Variants in EFCAB14 observed in about 807,000 individuals in gnomAD.
EFCAB14 encodes the protein EF-hand calcium binding domain 14, also known as EF-hand calcium-binding domain-containing protein 14.
In EFCAB14, 43 loss-of-function variants were observed where a neutral mutation model predicts 56.5. That is an observed-to-expected ratio of 0.76 (90% confidence interval 0.60 to 0.98). EFCAB14 has a LOEUF of 0.98. EFCAB14 is among the 50% of genes least tolerant of loss of function. The probability of loss-of-function intolerance (pLI) is 0.00; values close to 1 mark genes in which losing one functional copy is unlikely to be tolerated. For missense variants in EFCAB14, 538 were observed against 580.3 expected, an observed-to-expected ratio of 0.93 and a Z score of 0.75; for synonymous variants, 235 against 212.9, an observed-to-expected ratio of 1.10 and a Z score of -0.90.
chr1:46,693,373 C>T (rs1193972621), intron 4 of EFCAB14, among the ~76,000 whole-genome samples: 3 of 152,158 alleles, frequency 2.0e-5, no homozygotes, highest in Non-Finnish European at 4.4e-5. Flanking sequence ...CGAGATGACA[C>T]TAATAAAAAT....
intron 10 of EFCAB14, 155 bp downstream of exon 10, chr1:46,683,145 A>C: frequency 1.2e-6 from 1 of 810,298 alleles, no homozygotes; most frequent in Non-Finnish European, 1.9e-6. Context: ...TGGGATGGTT[A>C]TCAGGATTAT....
chr1:46,689,906 A>C (rs150366740), intron 5 of EFCAB14, among the ~76,000 whole-genome samples: 1 of 152,302 alleles, frequency 6.6e-6, no homozygotes, highest in African/African-American at 2.4e-5. Context: ...CCAAGATTAC[A>C]TTAGGGAACT....
At chr1:46,685,578 CT>C (rs1282011184) in intron 8 of EFCAB14, among the ~76,000 whole-genome samples, 6 of 152,188 alleles carry the variant, frequency 3.9e-5, no homozygotes, top group Admixed American at 6.5e-5. Flanking sequence ...GAAATTGTAT[CT>C]GGTTAGGATG....
Position 46,717,837 on chromosome 1 carries a change from T to C in EFCAB14, c.185+66A>G, listed in dbSNP as rs577553083. ...CTAAGGACTTCCTTTCTCCTTCCTG[T>C]CAATGTGGCCCCTTGGTAGTGCAAG... On this transcript the variant is annotated intron_variant, in intron 1 of 10. Coordinates refer to ENST00000371933, the MANE Select transcript of EFCAB14 (RefSeq NM_014774.3). 5.2e-6 allele frequency: 8 copies of C among 1,529,136 alleles called. No homozygotes were observed. The East Asian group carries it at 6.8e-5, about 13-fold the overall frequency. 94.7% of individuals were successfully genotyped at this position (1,529,136 alleles called of 1,614,324 possible). A position where few individuals can be genotyped will look rare whatever the true frequency, so the allele number is the denominator to read the frequency against.
chr1:46,689,474 G>A (rs1676954994), intron 6 of EFCAB14, 113 bp downstream of exon 6: 1 of 948,124 alleles, frequency 1.1e-6, no homozygotes. Context: ...CTCCCAGGCA[G>A]GCAAATAAAT....
At chr1:46,679,428 G>A (rs546258097) in intron 10 of EFCAB14, among the ~76,000 whole-genome samples, 10 of 151,766 alleles carry the variant, frequency 6.6e-5, no homozygotes, top group Non-Finnish European at 1.5e-4. Context: ...AGCCTCCTGC[G>A]TAGCTGGGAT....
chr1:46,691,257 A>C (rs1026470420), intron 5 of EFCAB14, among the ~76,000 whole-genome samples: 8 of 152,044 alleles, frequency 5.3e-5, no homozygotes, highest in Non-Finnish European at 8.8e-5. Context: ...ACAATTAAGT[A>C]TTTCTCATGA....
At position 46,684,497 on chromosome 1, in the gene EFCAB14, C is replaced by T. The variant is rs201689563; in HGVS notation, c.1180G>A (p.Asp394Asn). ...AAGCCGGCTCTGCTCTCACCTTCAT[C>T]GGCGGTCTCTGGAGGCCTGTTGCTC... ...PESNRPPETA[D>N]EEQVESFTSK... The change falls in exon 9 of 11, where the codon GAT becomes AAT. Residue 394 changes from aspartate (D) to asparagine (N), a missense_variant. By Grantham distance (23) the Asp-to-Asn change is conservative. Coordinates refer to ENST00000371933, the MANE Select transcript of EFCAB14 (RefSeq NM_014774.3). 1.9e-5 allele frequency: 30 copies of T among 1,613,704 alleles called. No homozygotes were observed. Among genetic ancestry groups the T allele is most frequent in the African/African-American group, 5.3e-5 (4 of 75,040 alleles).
At chr1:46,688,912 C>T (rs1043627565) in intron 6 of EFCAB14, among the ~76,000 whole-genome samples, 2 of 152,188 alleles carry the variant, frequency 1.3e-5, no homozygotes, top group Non-Finnish European at 2.9e-5. Context: ...AACAAACCTA[C>T]CTCAGGAACA....
rs397791988 is a variant in EFCAB14 at position 46,704,908 on chromosome 1, T to TC, written c.480+2997dup. ...TTTTTTCAAACTAATGGCTTTTTTT[T>TC]CAGATTATATTAACTTCAACTTACA... is the stretch of plus-strand genomic sequence containing the variant. On this transcript the variant is annotated intron_variant, in intron 3 of 10. Transcript: ENST00000371933. Among the ~76,000 whole-genome samples the TC allele has an allele frequency of 5.9e-5, 9 of 151,968 alleles. No individual in the cohort carries two copies. The East Asian group carries it at 1.4e-3, about 23-fold the overall frequency.
Position 46,707,930 on chromosome 1 carries a change from T to C in EFCAB14, c.456A>G (p.Ile152Met). The change falls in exon 3 of 11, where the codon ATA becomes ATG. Residue 152 changes from isoleucine (I) to methionine (M), a missense_variant. Physicochemically the swap from Ile to Met is conservative, Grantham distance 10. Transcript: ENST00000371933. ...SGEMGLNKVWINITEMNKQIS... is the reference protein window; with the variant it reads ...SGEMGLNKVWMNITEMNKQIS... Reference sequence around the variant, plus strand: ...CCTGCTTATTCATTTCTGTGATGTTTATCCAGACTTTGTTCAAACCCATCT... The same window carrying C: ...CCTGCTTATTCATTTCTGTGATGTTCATCCAGACTTTGTTCAAACCCATCT... The C allele has an allele frequency of 1.2e-6, 2 of 1,610,936 alleles. No individual in the cohort carries two copies. The highest frequency in any genetic ancestry group is 1.7e-6 in the Non-Finnish European group (2 of 1,179,586).
chr1:46,693,008 G>A (rs537763835), intron 4 of EFCAB14, among the ~76,000 whole-genome samples: 2 of 152,238 alleles, frequency 1.3e-5, no homozygotes, highest in African/African-American at 2.4e-5. Context: ...CACTTGTTAG[G>A]AGCAAAGGAC....
At chr1:46,707,840 C>G in intron 3 of EFCAB14, 66 bp downstream of exon 3, 1 of 1,507,302 alleles carries the variant, frequency 6.6e-7, no homozygotes, top group South Asian at 1.2e-5. Flanking sequence ...TTCTCTATAT[C>G]CTATTCATAC....
intron 1 of EFCAB14, 43 bp from the exon 2 acceptor site, chr1:46,716,486 A>G: frequency 6.2e-7 from 1 of 1,609,444 alleles, no homozygotes; most frequent in South Asian, 1.1e-5. Flanking sequence ...AAAAGTGATT[A>G]TGGGTATAGC....
At chr1:46,710,741 G>T (rs534897209) in intron 2 of EFCAB14, among the ~76,000 whole-genome samples, 88 of 151,998 alleles carry the variant, frequency 5.8e-4, no homozygotes, top group Middle Eastern at 3.4e-3. Flanking sequence ...TTTAGAGATG[G>T]TGTCTTGCTA....
chr1:46,685,234 C>T (rs1022734388), intron 8 of EFCAB14: 2 of 152,234 alleles, frequency 1.3e-5, no homozygotes. Context: ...CGCCCATACC[C>T]TGCCTCATTC....
intron 2 of EFCAB14, among the ~76,000 whole-genome samples, chr1:46,714,870 C>T (rs1375120961): frequency 6.6e-6 from 1 of 151,072 alleles, no homozygotes; most frequent in Non-Finnish European, 1.5e-5. Context: ...TATAACTTTA[C>T]AATTTAGAAT....
intron 3 of EFCAB14, among the ~76,000 whole-genome samples, chr1:46,696,903 T>C (rs1388637629): frequency 1.3e-5 from 2 of 152,174 alleles, no homozygotes; most frequent in African/African-American, 2.4e-5. Context: ...TGTTATTCTT[T>C]ACCCTGTCCT....
chr1:46,688,908 C>T (rs1307233963), intron 6 of EFCAB14, among the ~76,000 whole-genome samples: 2 of 152,196 alleles, frequency 1.3e-5, no homozygotes, highest in Non-Finnish European at 2.9e-5. Flanking sequence ...TCAGAACAAA[C>T]CTACCTCAGG....
Sources: allele counts gnomAD v4.1 joint callset (sites outside exome capture counted in the v4.1 genomes callset), GRCh38; gene constraint gnomAD v4.1.1; transcripts MANE v1.5; gene names NCBI Gene and HGNC (gene_info 2026-07-23, HGNC 2026-07-21).